Variants in MYO9B observed in about 807,000 individuals in gnomAD.
The protein encoded by MYO9B is unconventional myosin-IXb.
Under a neutral mutation model 229.5 loss-of-function variants are expected in MYO9B, and 71 were observed. The ratio of observed to expected loss-of-function variants is 0.31; its 90% CI spans 0.26 to 0.38. The LOEUF (loss-of-function observed/expected upper bound fraction) is 0.38, where lower values mean the gene tolerates loss of function less well. MYO9B is among the 10% of genes least tolerant of loss of function. MYO9B has a pLI of 1.00. For synonymous variants in MYO9B, 1,185 were observed against 1,235.8 expected (o/e 0.96, Z 0.86); for missense variants, 2,255 against 2,920.5 (o/e 0.77, Z 5.25).
At chr19:17,076,248 G>A (rs1171426636) in intron 1 of MYO9B, among the ~76,000 whole-genome samples, 2 of 152,006 alleles carry the variant, frequency 1.3e-5, no homozygotes. Flanking sequence ...AAGGCCAGGG[G>A]CGGGACAGCC....
chr19:17,108,376 C>CT (rs11461038), intron 2 of MYO9B, among the ~76,000 whole-genome samples: 113,117 of 151,990 alleles, frequency 0.74, 42,574 homozygotes, highest in African/African-American at 0.83. Flanking sequence ...ATTTCTCAAC[C>CT]TGGCTCTGCT....
chr19:17,134,378 TTTG>T (rs1330613583), intron 2 of MYO9B, among the ~76,000 whole-genome samples: 15 of 120,818 alleles, frequency 1.2e-4, no homozygotes, highest in African/African-American at 4.7e-4. Context: ...TTTCGTTTTG[TTTG>T]TTTTTTTTTT....
chr19:17,097,693 A>G (rs368667740), intron 1 of MYO9B, among the ~76,000 whole-genome samples: 11 of 152,246 alleles, frequency 7.2e-5, no homozygotes, highest in East Asian at 3.9e-4. Context: ...CGTTTCTTTC[A>G]GCCTCAGCCC....
intron 11 of MYO9B, among the ~76,000 whole-genome samples, chr19:17,169,201 G>T (rs1294681928): frequency 6.6e-6 from 1 of 151,540 alleles, no homozygotes; most frequent in East Asian, 2.0e-4. Flanking sequence ...GTGAAGCCCC[G>T]TCTCTACTGA....
intron 19 of MYO9B, among the ~76,000 whole-genome samples, chr19:17,190,701 C>G (rs1599409584): frequency 6.6e-6 from 1 of 151,904 alleles, no homozygotes; most frequent in Non-Finnish European, 1.5e-5. Flanking sequence ...CTCTGTCGCC[C>G]AGGCTGGATT....
At chr19:17,098,466 AC>A (rs1353572571) in intron 1 of MYO9B, among the ~76,000 whole-genome samples, 3 of 152,042 alleles carry the variant, frequency 2.0e-5, no homozygotes. Flanking sequence ...GTCTACACTC[AC>A]GTCTGTTTGC....
chr19:17,077,703 G>C (rs748280184), intron 1 of MYO9B, among the ~76,000 whole-genome samples: 2 of 152,032 alleles, frequency 1.3e-5, no homozygotes, highest in African/African-American at 4.8e-5. Flanking sequence ...TCTCATCACC[G>C]TCTTGTCTCC....
At chr19:17,126,058 G>A (rs998750905) in intron 2 of MYO9B, among the ~76,000 whole-genome samples, 2 of 152,082 alleles carry the variant, frequency 1.3e-5, no homozygotes, top group Admixed American at 1.3e-4. Flanking sequence ...GGTCTTCCTT[G>A]TGCCTGGCTG....
intron 1 of MYO9B, among the ~76,000 whole-genome samples, chr19:17,099,474 G>T (rs2057723835): frequency 6.6e-6 from 1 of 152,100 alleles, no homozygotes; most frequent in Non-Finnish European, 1.5e-5. Context: ...CTGGCGCAGT[G>T]GCTCACTCCT....
intron 25 of MYO9B, 22 bp downstream of exon 25, chr19:17,200,448 G>C (rs2073094491): frequency 3.9e-6 from 6 of 1,555,716 alleles, no homozygotes; most frequent in Non-Finnish European, 5.2e-6. Context: ...GCAGCCTCAG[G>C]GACAGACAGT....
chr19:17,109,596 G>A (rs2057828066), intron 2 of MYO9B, among the ~76,000 whole-genome samples: 1 of 152,128 alleles, frequency 6.6e-6, no homozygotes, highest in South Asian at 2.1e-4. Context: ...TCACAGTTCT[G>A]GAGGCCAGAA....
intron 2 of MYO9B, among the ~76,000 whole-genome samples, chr19:17,118,591 C>G (rs371859184): frequency 2.6e-5 from 4 of 152,114 alleles, no homozygotes; most frequent in African/African-American, 9.6e-5. Context: ...AAGTGATTCT[C>G]CTGCCTCAGC....
intron 2 of MYO9B, among the ~76,000 whole-genome samples, chr19:17,114,551 A>G (rs1260467535): frequency 6.6e-6 from 1 of 152,124 alleles, no homozygotes; most frequent in East Asian, 1.9e-4. Flanking sequence ...GTTGTTTGTA[A>G]GACTTGCTCC....
In MYO9B at chr19:17,192,978, A is replaced by G. The variant is rs1324997447; in HGVS notation, c.3044A>G (p.Tyr1015Cys). 3 of 1,524,436 alleles carry G rather than the reference A, an allele frequency of 2.0e-6. No homozygotes were observed. Among genetic ancestry groups the G allele is most frequent in the African/African-American group, 1.4e-5 (1 of 72,884 alleles). 94.4% of individuals were successfully genotyped at this position (1,524,436 alleles called of 1,614,324 possible). ...AVYLQASWRG[Y>C]WQRKLYRHQK... ...TACCTCCAGGCCTCATGGAGGGGCT[A>G]CTGGCAGCGGAAGCTCTACCGGCAC... The change falls in exon 21 of 40, where the codon TAC becomes TGC. Residue 1015 changes from tyrosine to cysteine, a missense_variant. Transcript: ENST00000682292.
intron 1 of MYO9B, among the ~76,000 whole-genome samples, chr19:17,094,235 A>G (rs1017280083): frequency 9.9e-5 from 15 of 152,122 alleles, no homozygotes; most frequent in Admixed American, 2.0e-4. Flanking sequence ...GGATTTCTCC[A>G]TGTTGGTCAG....
At position 17,209,572 on chromosome 19, in the gene MYO9B, G is replaced by T. The variant is rs777571997; in HGVS notation, c.5625-14G>T. On this transcript the variant is annotated splice_polypyrimidine_tract_variant and intron_variant, in intron 35 of 39. Coordinates refer to ENST00000682292, the MANE Select transcript of MYO9B (RefSeq NM_004145.4). The stretch of plus-strand genomic sequence containing the variant: ...GGTAACTGAGTCACTTCCTCCCGTG[G>T]GCCTTCTCTGTAGGTGCGTGGAGAT... The T allele has an allele frequency of 4.4e-6, 7 of 1,578,308 alleles. No homozygotes were observed. The African/African-American group carries it at 9.4e-5, about 21-fold the overall frequency.
intron 3 of MYO9B, among the ~76,000 whole-genome samples, chr19:17,149,884 T>G (rs1372178323): frequency 6.6e-6 from 1 of 152,226 alleles, no homozygotes; most frequent in Non-Finnish European, 1.5e-5. Flanking sequence ...GACCTGCAGA[T>G]GCAGCACGGG....
chr19:17,143,927 AAAAAG>A (rs1599366285), intron 2 of MYO9B, among the ~76,000 whole-genome samples: 2 of 152,100 alleles, frequency 1.3e-5, no homozygotes, highest in Admixed American at 6.6e-5. Context: ...TCTCAAAATA[AAAAAG>A]AAAAGAAAAA....
intron 1 of MYO9B, among the ~76,000 whole-genome samples, chr19:17,092,951 G>A (rs2057652708): frequency 6.6e-6 from 1 of 151,940 alleles, no homozygotes; most frequent in African/African-American, 2.4e-5. Context: ...AGAAGTGTGT[G>A]TATTCACATG....
Sources: allele counts gnomAD v4.1 joint callset (sites outside exome capture counted in the v4.1 genomes callset), GRCh38; gene constraint gnomAD v4.1.1; transcripts MANE v1.5; gene names NCBI Gene and HGNC (gene_info 2026-07-23, HGNC 2026-07-21).